The following TMEM183A variants were observed in gnomAD, a reference collection of about 807,000 sequenced individuals.
The protein encoded by TMEM183A is transmembrane protein 183A.
TMEM183A carries 21 observed loss-of-function variants against 46.7 expected under a neutral mutation model. The observed-to-expected ratio is 0.45, with a 90% CI of 0.32 to 0.65. The LOEUF (loss-of-function observed/expected upper bound fraction) is 0.65, where lower values mean the gene tolerates loss of function less well. TMEM183A is among the 30% of genes least tolerant of loss of function. The probability of loss-of-function intolerance (pLI) is 0.04; values close to 1 mark genes in which losing one functional copy is unlikely to be tolerated. For synonymous variants in TMEM183A, 165 were observed against 180.2 expected, an observed-to-expected ratio of 0.92 and a Z score of 0.68; for missense variants, 331 against 481.9, an observed-to-expected ratio of 0.69 and a Z score of 2.93.
rs1327131829 is a variant in TMEM183A at position 203,023,605 on chromosome 1, T to C, written c.*565T>C. On this transcript the variant is annotated 3_prime_UTR_variant, in exon 8 of 8. Coordinates refer to ENST00000367242, the MANE Select transcript of TMEM183A (RefSeq NM_138391.6). ...GATATTTATTGCATACATTTTCTTT[T>C]GGCAGTTTTGGATTTTAGGTATTTT... 1 of 153,048 alleles carries C rather than the reference T, an allele frequency of 6.5e-6. No individual in the cohort carries two copies. Among genetic ancestry groups the C allele is most frequent in the Non-Finnish European group, 1.5e-5 (1 of 68,322 alleles). 9.5% of individuals were successfully genotyped at this position (153,048 alleles called of 1,614,324 possible).
chr1:203,008,253 A>T (rs1656180844), intron 2 of TMEM183A, among the ~76,000 whole-genome samples: 2 of 151,980 alleles, frequency 1.3e-5, no homozygotes, highest in African/African-American at 4.8e-5. Flanking sequence ...CTTGTGTTTT[A>T]TGACACCTAC....
chr1:203,012,621 T>G (rs1656773874), intron 3 of TMEM183A, among the ~76,000 whole-genome samples: 1 of 152,272 alleles, frequency 6.6e-6, no homozygotes, highest in Non-Finnish European at 1.5e-5. Context: ...TGACAATTCT[T>G]CATTATTTAC....
At chr1:203,007,716 G>C in intron 1 of TMEM183A, 58 bp from the exon 2 acceptor site, 12 of 1,602,864 alleles carry the variant, frequency 7.5e-6, no homozygotes, top group Non-Finnish European at 1.0e-5. Flanking sequence ...GGAGGTGTTG[G>C]CGGGGAAGAC....
At chr1:203,012,365 A>G (rs1656741144) in intron 3 of TMEM183A, among the ~76,000 whole-genome samples, 1 of 152,140 alleles carries the variant, frequency 6.6e-6, no homozygotes, top group Non-Finnish European at 1.5e-5. Flanking sequence ...TATCACATCT[A>G]AAAGACTTTA....
In TMEM183A at chr1:203,013,751, G is replaced by A. The variant is rs1656896910; in HGVS notation, c.368-1138G>A. 1.3e-5 allele frequency among the ~76,000 whole-genome samples: 2 copies of A among 151,802 alleles called. No homozygotes were observed. The highest frequency in any genetic ancestry group is 2.9e-5 in the Non-Finnish European group (2 of 67,982). On this transcript the variant is annotated intron_variant, in intron 3 of 7. Transcript: ENST00000367242. The surrounding 1 kb of genome is among the most constrained non-coding windows in gnomAD (Gnocchi z 4.0). ...GTTGCTCTCGATCTCCTGACCTCGC[G>A]ATTCGCCCACCTCGGCCTCCCAAAG... is the stretch of plus-strand genomic sequence containing the variant.
intron 3 of TMEM183A, among the ~76,000 whole-genome samples, chr1:203,012,339 T>C (rs1292491959): frequency 2.0e-5 from 3 of 151,952 alleles, no homozygotes; most frequent in South Asian, 2.1e-4. Context: ...AGTAGTTATC[T>C]TTTTAAAAAT....
At chr1:203,016,918 A>G (rs1180348040) in intron 5 of TMEM183A, among the ~76,000 whole-genome samples, 1 of 152,128 alleles carries the variant, frequency 6.6e-6, no homozygotes, top group Non-Finnish European at 1.5e-5. Flanking sequence ...TTCCTACCCC[A>G]AATCTGATGT....
At chr1:203,018,007 T>C (rs1383454538) in intron 5 of TMEM183A, 1 of 952,552 alleles carries the variant, frequency 1.0e-6, no homozygotes, top group Non-Finnish European at 1.3e-6. Context: ...AGCTCTGTAG[T>C]TTCCTTACTG....
chr1:203,008,834 T>G, intron 3 of TMEM183A, 24 bp downstream of exon 3: 1 of 1,575,916 alleles, frequency 6.3e-7, no homozygotes, highest in East Asian at 2.3e-5. Flanking sequence ...TCTCTTTTGG[T>G]TTATTAGACC....
chr1:203,011,066 A>G (rs1404077934), intron 3 of TMEM183A, among the ~76,000 whole-genome samples: 2 of 152,232 alleles, frequency 1.3e-5, no homozygotes, highest in Admixed American at 1.3e-4. Flanking sequence ...GCTGCTATGA[A>G]TAATGCTGCT....
intron 5 of TMEM183A, among the ~76,000 whole-genome samples, chr1:203,018,127 T>TA (rs1359879986): frequency 6.6e-6 from 1 of 152,228 alleles, no homozygotes; most frequent in East Asian, 1.9e-4. Context: ...TGGCTCTCCT[T>TA]ACATTTTAAT....
chr1:203,015,835 C>T lies in TMEM183A; in HGVS notation c.528-125C>T, dbSNP rs561383138. The T allele has an allele frequency of 1.9e-4, 234 of 1,218,576 alleles. 1 individual carries two copies. The Middle Eastern group carries it at 2.0e-3, about 10-fold the overall frequency. The allele number at this position is 1,218,576 out of a possible 1,614,324, so 75.5% of individuals were successfully genotyped here. ...CCAAGAGGTCAAGTAGCACTGGGGA[C>T]AGGCTATCTACTGGCCAGTGGAATA... On this transcript the variant is annotated intron_variant, in intron 4 of 7. Transcript: ENST00000367242.
chr1:203,007,913 G>T, intron 2 of TMEM183A, 50 bp downstream of exon 2: 1 of 1,598,224 alleles, frequency 6.3e-7, no homozygotes, highest in Non-Finnish European at 8.6e-7. Flanking sequence ...GACAGAACTA[G>T]GTATTTTATT....
chr1:203,015,468 A>T (rs927711336), intron 4 of TMEM183A: 26 of 230,166 alleles, frequency 1.1e-4, no homozygotes, highest in Admixed American at 9.8e-4. Context: ...AGCCTTATGT[A>T]TAGTTGTAGT....
intron 7 of TMEM183A, 80 bp downstream of exon 7, chr1:203,021,028 T>TC (rs1657633521): frequency 2.4e-5 from 3 of 124,968 alleles, no homozygotes; most frequent in South Asian, 4.9e-4. Context: ...ACCGCAGCTC[T>TC]TTTTTTTTTT....
Position 203,021,022 on chromosome 1 carries a change from C to T in TMEM183A, c.945+74C>T, listed in dbSNP as rs1170335819. ...TTTCATTCTGAAAGGAGGTGAACCG[C>T]AGCTCTTTTTTTTTTTTTTTTTTTT... On this transcript the variant is annotated intron_variant, in intron 7 of 7. Transcript: ENST00000367242. 8.2e-6 allele frequency: 10 copies of T among 1,223,054 alleles called. No homozygotes were observed. In the African/African-American group the frequency reaches 1.2e-4, roughly 15 times the overall value. The allele number at this position is 1,223,054 out of a possible 1,614,324, so 75.8% of individuals were successfully genotyped here.
intron 6 of TMEM183A, among the ~76,000 whole-genome samples, chr1:203,019,326 C>T (rs1030040227): frequency 2.0e-5 from 3 of 152,176 alleles, no homozygotes; most frequent in Admixed American, 2.0e-4. Flanking sequence ...ACAAGGATAA[C>T]AACCTACTGC....
rs1212238460 is a variant in TMEM183A at position 203,012,268 on chromosome 1, C to CACACACACACACACAT, written c.368-2611_368-2610insACACATACACACACAC. 4.6e-4 allele frequency among the ~76,000 whole-genome samples: 68 copies of CACACACACACACACAT among 149,438 alleles called. 1 individual carries two copies. In the East Asian group the frequency reaches 4.8e-3, roughly 10 times the overall value. On this transcript the variant is annotated intron_variant, in intron 3 of 7. Coordinates refer to ENST00000367242, the MANE Select transcript of TMEM183A (RefSeq NM_138391.6). ...ACACACACACACACACACACACACA[C>CACACACACACACACAT]ACACACACACGGTTATTTTGAAACA...
At chr1:203,008,952 T>A in intron 3 of TMEM183A, 142 bp downstream of exon 3, 1 of 797,170 alleles carries the variant, frequency 1.3e-6, no homozygotes, top group Non-Finnish European at 1.8e-6. Context: ...CTAAGAACCT[T>A]GGTAGTGGGC....
Sources: allele counts gnomAD v4.1 joint callset (sites outside exome capture counted in the v4.1 genomes callset), GRCh38; gene constraint gnomAD v4.1.1; non-coding constraint Gnocchi (gnomAD v3.1); transcripts MANE v1.5; gene names NCBI Gene and HGNC (gene_info 2026-07-23, HGNC 2026-07-21).